MGMT: variants seen among roughly 807,000 people sequenced by gnomAD.
MGMT encodes O-6-methylguanine-DNA methyltransferase, also known as methylated-DNA--protein-cysteine methyltransferase.
Under a neutral mutation model 15.9 loss-of-function variants are expected in MGMT, and 14 were observed. The ratio of observed to expected loss-of-function variants is 0.88; its 90% CI spans 0.58 to 1.37. The LOEUF (loss-of-function observed/expected upper bound fraction) is 1.37. Among genes scored for constraint, MGMT ranks in the 40% most tolerant of loss-of-function variants. MGMT has a pLI of 0.00. For missense variants in MGMT, 282 were observed against 268.1 expected (o/e 1.05, Z -0.36); for synonymous variants, 130 against 118.2 (o/e 1.10, Z -0.65).
chr10:129,541,801 C>T (rs1253108297), intron 2 of MGMT, among the ~76,000 whole-genome samples: 1 of 152,226 alleles, frequency 6.6e-6, no homozygotes, highest in African/African-American at 2.4e-5. Context: ...CACAGACTGT[C>T]TTCTACTGCA....
chr10:129,585,277 A>C (rs1846605452), intron 2 of MGMT, among the ~76,000 whole-genome samples: 1 of 152,238 alleles, frequency 6.6e-6, no homozygotes, highest in Non-Finnish European at 1.5e-5. Flanking sequence ...TCACAATTAC[A>C]GAAGGCCACA....
rs373721836 is a variant in MGMT at position 129,480,036 on chromosome 10, T to TA, written c.-13+12740_-13+12741insA. On this transcript the variant is annotated intron_variant, in intron 1 of 4. Transcript: ENST00000651593. Reference sequence around the variant, plus strand: ...TTTTAAAATAAAAACTAGCTATATTTTCCATAAAAACCAATTAGGGAGGAA... The same window carrying TA: ...TTTTAAAATAAAAACTAGCTATATTTATCCATAAAAACCAATTAGGGAGGAA... 6.7e-3 allele frequency among the ~76,000 whole-genome samples: 1,027 copies of TA among 152,352 alleles called. 10 individuals are homozygous for TA. The highest frequency in any genetic ancestry group is 0.022 in the African/African-American group (935 of 41,572).
chr10:129,758,282 G>A (rs116597790), intron 3 of MGMT, among the ~76,000 whole-genome samples: 1,962 of 152,214 alleles, frequency 0.013, 44 homozygotes, highest in African/African-American at 0.045. Flanking sequence ...TCAGAACATC[G>A]TTCCTGCCCG....
chr10:129,755,304 A>T (rs527440384), intron 3 of MGMT, among the ~76,000 whole-genome samples: 2 of 152,328 alleles, frequency 1.3e-5, no homozygotes, highest in East Asian at 3.9e-4. Flanking sequence ...TGTGCCAGGG[A>T]CACCAGCTCC....
intron 3 of MGMT, among the ~76,000 whole-genome samples, chr10:129,736,356 G>C (rs1161865163): frequency 1.7e-3 from 260 of 151,058 alleles, no homozygotes; most frequent in Non-Finnish European, 2.1e-3. Context: ...GGTTTAAAGT[G>C]TGTTTTATCA....
chr10:129,639,134 A>G (rs1184125091), intron 2 of MGMT, among the ~76,000 whole-genome samples: 1 of 152,210 alleles, frequency 6.6e-6, no homozygotes, highest in East Asian at 1.9e-4. Flanking sequence ...AGAAAAGATC[A>G]TTGGAAATTA....
At chr10:129,728,377 C>G (rs1848457204) in intron 3 of MGMT, among the ~76,000 whole-genome samples, 2 of 152,158 alleles carry the variant, frequency 1.3e-5, no homozygotes, top group South Asian at 4.1e-4. Context: ...GTGGGTGACG[C>G]CAGTGATGGC....
intron 2 of MGMT, among the ~76,000 whole-genome samples, chr10:129,638,137 CAT>C (rs1309753667): frequency 2.0e-5 from 3 of 152,076 alleles, no homozygotes; most frequent in Non-Finnish European, 2.9e-5. Flanking sequence ...CAAAAGGAGA[CAT>C]GTGACATGTT....
At chr10:129,678,347 G>A (rs56880178) in intron 2 of MGMT, among the ~76,000 whole-genome samples, 21,749 of 151,822 alleles carry the variant, frequency 0.14, 1,630 homozygotes, top group East Asian at 0.28. Flanking sequence ...TCCAGGCCCC[G>A]CTGCCCTGGC....
intron 3 of MGMT, among the ~76,000 whole-genome samples, chr10:129,742,270 A>C (rs922600994): frequency 2.0e-5 from 3 of 152,238 alleles, no homozygotes; most frequent in Non-Finnish European, 4.4e-5. Context: ...TTATTGGGCC[A>C]GAGGTCATGA....
At chr10:129,524,651 G>A (rs1589849733) in intron 1 of MGMT, among the ~76,000 whole-genome samples, 3 of 143,168 alleles carry the variant, frequency 2.1e-5, no homozygotes, top group Admixed American at 7.4e-5. Context: ...GAGTGCAGTG[G>A]CGTGATCTCA....
chr10:129,602,001 TTGAC>T (rs1846828067), intron 2 of MGMT, among the ~76,000 whole-genome samples: 1 of 152,296 alleles, frequency 6.6e-6, no homozygotes, highest in East Asian at 1.9e-4. Flanking sequence ...TGCTGAGCCT[TTGAC>T]TGGCGACAGT....
At chr10:129,765,395 G>A (rs1848922232) in intron 4 of MGMT, among the ~76,000 whole-genome samples, 3 of 152,198 alleles carry the variant, frequency 2.0e-5, no homozygotes, top group African/African-American at 7.2e-5. Context: ...GTCCCCTGCG[G>A]TGGCCATGCA....
chr10:129,742,524 C>T (rs1308207412), intron 3 of MGMT, among the ~76,000 whole-genome samples: 1 of 150,356 alleles, frequency 6.7e-6, no homozygotes, highest in Non-Finnish European at 1.5e-5. Context: ...AGGGCCAGGG[C>T]ATTCAGCAGT....
chr10:129,725,367 C>A (rs762071272), intron 3 of MGMT, among the ~76,000 whole-genome samples: 1 of 152,240 alleles, frequency 6.6e-6, no homozygotes, highest in Non-Finnish European at 1.5e-5. Flanking sequence ...CCCTGTCTGG[C>A]CCGAAGTTCC....
intron 2 of MGMT, among the ~76,000 whole-genome samples, chr10:129,604,559 A>C (rs964141434): frequency 6.6e-6 from 1 of 152,174 alleles, no homozygotes; most frequent in Non-Finnish European, 1.5e-5. Flanking sequence ...TGGGGCTGTC[A>C]GAAGCCATTT....
intron 2 of MGMT, among the ~76,000 whole-genome samples, chr10:129,544,158 T>C (rs1004308905): frequency 5.9e-5 from 9 of 152,254 alleles, no homozygotes; most frequent in African/African-American, 2.2e-4. Context: ...CTCTCCTTTA[T>C]GTGGCCACAG....
chr10:129,514,055 A>G (rs1476429985), intron 1 of MGMT, among the ~76,000 whole-genome samples: 6 of 152,268 alleles, frequency 3.9e-5, no homozygotes, highest in East Asian at 3.8e-4. Flanking sequence ...TGAAATGAAC[A>G]CTGCAGATCT....
chr10:129,549,967 A>G (rs1268250793), intron 2 of MGMT, among the ~76,000 whole-genome samples: 1 of 152,168 alleles, frequency 6.6e-6, no homozygotes, highest in African/African-American at 2.4e-5. Flanking sequence ...AAGTAGGGCC[A>G]GGGCTTCTGT....
Sources: allele counts gnomAD v4.1 joint callset (sites outside exome capture counted in the v4.1 genomes callset), GRCh38; gene constraint gnomAD v4.1.1; transcripts MANE v1.5; gene names NCBI Gene and HGNC (gene_info 2026-07-23, HGNC 2026-07-21).